The following ANKFN1 variants were observed in gnomAD, a reference collection of about 807,000 sequenced individuals.
The protein encoded by ANKFN1 is ankyrin repeat and fibronectin type III domain containing 1.
In ANKFN1, 74 loss-of-function variants were observed where a neutral mutation model predicts 108.7. The ratio of observed to expected loss-of-function variants is 0.68; its 90% CI spans 0.56 to 0.83. The LOEUF (loss-of-function observed/expected upper bound fraction) is 0.83, where lower values mean the gene tolerates loss of function less well. Among genes scored for constraint, ANKFN1 ranks in the 40% least tolerant of loss-of-function variants. ANKFN1 has a pLI of 0.00. For missense variants in ANKFN1, 1,505 were observed against 1,382.3 expected (o/e 1.09, Z -1.41); for synonymous variants, 547 against 516.2 (o/e 1.06, Z -0.81).
chr17:56,148,179 G>A (rs1033959562), intron 4 of ANKFN1, among the ~76,000 whole-genome samples: 4 of 152,196 alleles, frequency 2.6e-5, no homozygotes, highest in Non-Finnish European at 2.9e-5. Flanking sequence ...GTAGCAGTTA[G>A]CATTAGAGGA....
At chr17:56,350,153 T>C (rs12450105) in intron 4 of ANKFN1, among the ~76,000 whole-genome samples, 2,552 of 152,278 alleles carry the variant, frequency 0.017, 33 homozygotes, top group Non-Finnish European at 0.025. Flanking sequence ...CCAGGGTATC[T>C]GGGGTAAGCA....
intron 3 of ANKFN1, among the ~76,000 whole-genome samples, chr17:56,235,190 A>C (rs749130210): frequency 6.6e-6 from 1 of 151,664 alleles, no homozygotes; most frequent in Non-Finnish European, 1.5e-5. Flanking sequence ...CCACTTTTTA[A>C]TGTTTGTTGT....
intron 5 of ANKFN1, among the ~76,000 whole-genome samples, chr17:56,352,179 C>A (rs936105808): frequency 6.6e-6 from 1 of 152,182 alleles, no homozygotes; most frequent in South Asian, 2.1e-4. Flanking sequence ...TACCATTCAG[C>A]AGATTGTCTT....
intron 3 of ANKFN1, among the ~76,000 whole-genome samples, chr17:56,296,565 T>G (rs2044515384): frequency 6.6e-6 from 1 of 152,146 alleles, no homozygotes; most frequent in South Asian, 2.1e-4. Context: ...ATGCCTGTAG[T>G]CCCAGCTACT....
intron 8 of ANKFN1, among the ~76,000 whole-genome samples, chr17:56,396,447 G>C (rs6505055): frequency 0.75 from 113,767 of 151,818 alleles, 42,816 homozygotes; most frequent in East Asian, 0.96. Context: ...GACTTCGTCT[G>C]CAAAAAAAAA....
At position 56,354,032 on chromosome 17, in the gene ANKFN1, G is replaced by T; in HGVS notation, c.587G>T (p.Arg196Leu). 8.7e-6 allele frequency: 14 copies of T among 1,613,734 alleles called. No individual in the cohort carries two copies. The highest frequency in any genetic ancestry group is 2.2e-5 in the East Asian group (1 of 44,808). ...AGGATTCTTCTGAGGACAGGGGCCC[G>T]AGAAAGTCCACACTGTAAGTAACCT... ...IARILLRTGA[R>L]ESPHFVSLES... The change falls in exon 6 of 21, where the codon CGA (arginine) becomes CTA (leucine). Residue 196 changes from arginine to leucine, a missense_variant. By Grantham distance (102) the Arg-to-Leu change is moderately radical. Coordinates refer to ENST00000682825, the MANE Select transcript of ANKFN1 (RefSeq NM_001370326.1).
chr17:56,417,017 A>G (rs1457682235), intron 8 of ANKFN1, among the ~76,000 whole-genome samples: 1 of 151,712 alleles, frequency 6.6e-6, no homozygotes, highest in Non-Finnish European at 1.5e-5. Context: ...AAACAATTAA[A>G]CCCATAGAGA....
At chr17:56,386,329 G>A (rs531305812) in intron 8 of ANKFN1, among the ~76,000 whole-genome samples, 1 of 152,016 alleles carries the variant, frequency 6.6e-6, no homozygotes, top group Non-Finnish European at 1.5e-5. Context: ...TGTGGGGTGG[G>A]GGGAGCGGGG....
At chr17:56,355,924 C>CCATT (rs1251881070) in intron 6 of ANKFN1, among the ~76,000 whole-genome samples, 3 of 152,150 alleles carry the variant, frequency 2.0e-5, no homozygotes, top group Non-Finnish European at 4.4e-5. Flanking sequence ...AAACATCATA[C>CCATT]CATTGACTAT....
chr17:56,202,743 TA>T (rs1914166780), intron 1 of ANKFN1, among the ~76,000 whole-genome samples: 1 of 152,172 alleles, frequency 6.6e-6, no homozygotes, highest in Admixed American at 6.5e-5. Context: ...TCCTTTATAA[TA>T]GGGGGTAGAT....
chr17:56,324,422 G>C (rs189903818), intron 3 of ANKFN1, among the ~76,000 whole-genome samples: 50 of 152,278 alleles, frequency 3.3e-4, no homozygotes, highest in African/African-American at 1.2e-3. Flanking sequence ...TCTAGAAAGT[G>C]TTGCTACTAT....
chr17:56,174,426 G>A, intron 1 of ANKFN1: 1 of 984,772 alleles, frequency 1.0e-6, no homozygotes, highest in Non-Finnish European at 1.2e-6. Context: ...CTTCCAAGCA[G>A]TGATCTTTTT....
intron 4 of ANKFN1, among the ~76,000 whole-genome samples, chr17:56,146,847 T>C (rs555121768): frequency 6.6e-6 from 1 of 152,370 alleles, no homozygotes; most frequent in South Asian, 2.1e-4. Flanking sequence ...TTGTTAGTTA[T>C]GCAAATTTCT....
intron 3 of ANKFN1, among the ~76,000 whole-genome samples, chr17:56,313,136 G>C (rs1350163567): frequency 6.8e-6 from 1 of 146,166 alleles, no homozygotes; most frequent in Admixed American, 6.9e-5. Context: ...CTGGGCAACA[G>C]AGCGAGAATC....
intron 4 of ANKFN1, among the ~76,000 whole-genome samples, chr17:56,072,816 G>A (rs574024980): frequency 3.3e-5 from 5 of 152,250 alleles, no homozygotes; most frequent in South Asian, 2.1e-4. Context: ...TGCAGATGAG[G>A]AGAGGAGAAG....
chr17:56,186,579 T>G (rs1912234633), intron 1 of ANKFN1, among the ~76,000 whole-genome samples: 1 of 152,266 alleles, frequency 6.6e-6, no homozygotes, highest in South Asian at 2.1e-4. Flanking sequence ...ATCTCTAAGG[T>G]CATTTTGTGT....
Position 56,071,135 on chromosome 17 carries a change from G to C in ANKFN1, c.288+24810G>C, listed in dbSNP as rs536573537. Among the ~76,000 whole-genome samples, 3 of 152,094 alleles carry C rather than the reference G, an allele frequency of 2.0e-5. No homozygotes were observed. In the East Asian group the frequency reaches 5.8e-4, roughly 29 times the overall value. ...CTTCTCTCTGACTGATTCTATATTT[G>C]ACATAGAAACTCCTTTCTAACACCA... On this transcript the variant is annotated intron_variant, in intron 4 of 12. Transcript: ENST00000635860.
chr17:56,235,181 C>T (rs1917033816), intron 3 of ANKFN1, among the ~76,000 whole-genome samples: 2 of 152,138 alleles, frequency 1.3e-5, no homozygotes, highest in Admixed American at 6.6e-5. Flanking sequence ...GTCCATTGCC[C>T]ACTTTTTAAT....
At chr17:56,101,294 A>C (rs1473736992) in intron 4 of ANKFN1, among the ~76,000 whole-genome samples, 1 of 152,114 alleles carries the variant, frequency 6.6e-6, no homozygotes, top group East Asian at 1.9e-4. Context: ...TTTCCTCCCC[A>C]CTTCTTCTTT....
Sources: gnomAD v4.1 joint callset for allele counts (sites outside exome capture counted in the v4.1 genomes callset) on GRCh38, gnomAD v4.1.1 for gene constraint, MANE v1.5 for transcripts, NCBI Gene and HGNC (gene_info 2026-07-23, HGNC 2026-07-21) for gene names.